The following CMSS1 variants were observed in gnomAD, a reference collection of about 807,000 sequenced individuals.
CMSS1 encodes protein CMSS1.
CMSS1 carries 33 observed loss-of-function variants against 43.5 expected under a neutral mutation model. That is an observed-to-expected ratio of 0.76 (90% CI 0.57 to 1.01). CMSS1 has a LOEUF of 1.01. Among genes scored for constraint, CMSS1 ranks in the 50% least tolerant of loss-of-function variants. CMSS1 has a pLI of 0.00. For missense variants in CMSS1, 313 were observed against 326.4 expected (o/e 0.96, Z 0.32); for synonymous variants, 115 against 117.2 (o/e 0.98, Z 0.12).
chr3:99,851,744 C>T (rs1943707903), intron 1 of CMSS1, among the ~76,000 whole-genome samples: 2 of 152,130 alleles, frequency 1.3e-5, no homozygotes, highest in Admixed American at 1.3e-4. Context: ...AGTCACATTG[C>T]TTAGAAGTTA....
intron 1 of CMSS1, among the ~76,000 whole-genome samples, chr3:99,992,350 A>G (rs1190879096): frequency 1.3e-5 from 2 of 152,094 alleles, no homozygotes; most frequent in African/African-American, 2.4e-5. Flanking sequence ...TTGACTCTTT[A>G]ATAATAGCCA....
intron 1 of CMSS1, among the ~76,000 whole-genome samples, chr3:100,060,511 C>A (rs2065544834): frequency 6.6e-6 from 1 of 151,808 alleles, no homozygotes; most frequent in Non-Finnish European, 1.5e-5. Flanking sequence ...AAAAAAAATA[C>A]ATAAAAATGC....
chr3:99,906,539 C>G (rs1706624249), intron 1 of CMSS1, among the ~76,000 whole-genome samples: 1 of 152,156 alleles, frequency 6.6e-6, no homozygotes, highest in South Asian at 2.1e-4. Context: ...TAAAGTCTTA[C>G]TTTTTTAACC....
At chr3:99,887,570 G>T (rs948205131) in intron 1 of CMSS1, among the ~76,000 whole-genome samples, 3 of 152,226 alleles carry the variant, frequency 2.0e-5, no homozygotes, top group Non-Finnish European at 4.4e-5. Flanking sequence ...GTTACAGACA[G>T]TCGGGTGCCA....
At chr3:100,082,269 G>A (rs559329669) in intron 1 of CMSS1, among the ~76,000 whole-genome samples, 3 of 152,156 alleles carry the variant, frequency 2.0e-5, no homozygotes, top group Non-Finnish European at 4.4e-5. Context: ...ACTGACCTAA[G>A]CTGCACATGT....
intron 1 of CMSS1, among the ~76,000 whole-genome samples, chr3:99,969,358 C>G (rs182443990): frequency 6.6e-6 from 1 of 152,274 alleles, no homozygotes; most frequent in East Asian, 1.9e-4. Flanking sequence ...TAAGAGCAAG[C>G]TAAGCAAGAA....
chr3:99,847,074 A>G (rs1329952659), intron 1 of CMSS1, among the ~76,000 whole-genome samples: 1 of 152,210 alleles, frequency 6.6e-6, no homozygotes, highest in East Asian at 1.9e-4. Context: ...TATATTGTAA[A>G]TGGCATAATA....
rs917574212 is a variant in CMSS1 at position 99,910,569 on chromosome 3, C to T, written c.64+92526C>T. ...TACCCCTTACCACTTTCCAAGGAAA[C>T]AATTTTTGTAGGTAACCTGGGGAGT... is the stretch of plus-strand genomic sequence containing the variant. On this transcript the variant is annotated intron_variant, in intron 1 of 9. Transcript: ENST00000421999. Among the ~76,000 whole-genome samples, 5 of 136,574 alleles carry T rather than the reference C, an allele frequency of 3.7e-5. 2 individuals carry two copies. Among genetic ancestry groups the T allele is most frequent in the Admixed American group, 3.1e-4 (4 of 12,842 alleles). 89.6% of individuals were successfully genotyped at this position (136,574 alleles called of 152,430 possible). A position where few individuals can be genotyped will look rare whatever the true frequency, so the allele number is the denominator to read the frequency against.
intron 1 of CMSS1, among the ~76,000 whole-genome samples, chr3:99,981,816 T>G (rs967256462): frequency 2.0e-5 from 3 of 152,090 alleles, no homozygotes; most frequent in Non-Finnish European, 4.4e-5. Flanking sequence ...TGCATAAATA[T>G]TAGGGAAGGT....
intron 1 of CMSS1, among the ~76,000 whole-genome samples, chr3:100,066,079 G>A (rs2065658470): frequency 1.3e-5 from 2 of 152,200 alleles, no homozygotes; most frequent in South Asian, 4.1e-4. Context: ...AGAGAACTTA[G>A]AGAGATGGTC....
intron 1 of CMSS1, among the ~76,000 whole-genome samples, chr3:99,956,392 A>G (rs1272814511): frequency 3.9e-5 from 6 of 152,116 alleles, no homozygotes; most frequent in Admixed American, 2.0e-4. Context: ...TTGCTCTGTC[A>G]CCTAGGCTGG....
At chr3:99,982,182 GT>G (rs962460050) in intron 1 of CMSS1, among the ~76,000 whole-genome samples, 1 of 151,672 alleles carries the variant, frequency 6.6e-6, no homozygotes, top group Admixed American at 6.6e-5. Flanking sequence ...TTTAGTATAT[GT>G]TTTTTTAATA....
At chr3:100,041,053 G>C (rs1045226264) in intron 1 of CMSS1, 1 of 152,312 alleles carries the variant, frequency 6.6e-6, no homozygotes, top group South Asian at 2.1e-4. Context: ...AGTTGACTCT[G>C]TATGACCTGT....
chr3:99,904,872 T>G (rs991293571), intron 1 of CMSS1, among the ~76,000 whole-genome samples: 3 of 152,174 alleles, frequency 2.0e-5, no homozygotes, highest in Admixed American at 2.0e-4. Context: ...TTGGCAAACC[T>G]CTTGAAGGAG....
In CMSS1 at chr3:100,064,001, A is replaced by G. The variant is rs560122618; in HGVS notation, c.65-82972A>G. The stretch of plus-strand genomic sequence containing the variant: ...CTGAATGTTCACACTTAAGGTTGGA[A>G]AAGTTGCTTCTAGTTCTCCTCTCAA... On this transcript the variant is annotated intron_variant, in intron 1 of 9. Coordinates refer to ENST00000421999, the MANE Select transcript of CMSS1 (RefSeq NM_032359.4). Among the ~76,000 whole-genome samples, 12 of 152,322 alleles carry G rather than the reference A, an allele frequency of 7.9e-5. No individual in the cohort carries two copies. The South Asian group carries it at 1.9e-3, about 24-fold the overall frequency.
intron 1 of CMSS1, among the ~76,000 whole-genome samples, chr3:99,872,395 T>C (rs1944846036): frequency 6.6e-6 from 1 of 151,404 alleles, no homozygotes; most frequent in African/African-American, 2.4e-5. Context: ...AAATTCATAG[T>C]TGAATGTTTG....
intron 1 of CMSS1, among the ~76,000 whole-genome samples, chr3:99,855,192 T>C (rs1341576691): frequency 6.6e-6 from 1 of 152,196 alleles, no homozygotes; most frequent in Non-Finnish European, 1.5e-5. Context: ...ACCACCCATT[T>C]TTTTCAAAGA....
chr3:99,886,267 A>T (rs1322080238), intron 1 of CMSS1, among the ~76,000 whole-genome samples: 1 of 53,784 alleles, frequency 1.9e-5, no homozygotes, highest in Admixed American at 1.9e-4. Flanking sequence ...TAAAGCAGGG[A>T]TGTTATCACT....
At chr3:100,070,521 C>T (rs988282798) in intron 1 of CMSS1, among the ~76,000 whole-genome samples, 28 of 152,264 alleles carry the variant, frequency 1.8e-4, no homozygotes, top group African/African-American at 6.3e-4. Context: ...TACAGATAAA[C>T]CTTGTGCCAA....
Sources: gnomAD v4.1 joint callset for allele counts (sites outside exome capture counted in the v4.1 genomes callset) on GRCh38, gnomAD v4.1.1 for gene constraint, MANE v1.5 for transcripts, NCBI Gene and HGNC (gene_info 2026-07-23, HGNC 2026-07-21) for gene names.